Variants in NRXN1 observed in about 807,000 individuals in gnomAD.
The protein encoded by NRXN1 is neurexin-1.
In NRXN1, 39 loss-of-function variants were observed where a neutral mutation model predicts 150.9. The observed-to-expected ratio is 0.26, with a 90% CI of 0.20 to 0.34. The LOEUF is 0.34. NRXN1 is among the 10% of genes least tolerant of loss of function. The pLI is 1.00. For synonymous variants in NRXN1, 924 were observed against 757.0 expected, an observed-to-expected ratio of 1.22 and a Z score of -3.62; for missense variants, 1,815 against 1,949.9, an observed-to-expected ratio of 0.93 and a Z score of 1.30.
At chr2:50,039,618 C>G (rs890493627) in intron 21 of NRXN1, among the ~76,000 whole-genome samples, 4 of 152,266 alleles carry the variant, frequency 2.6e-5, no homozygotes, top group Non-Finnish European at 4.4e-5. Flanking sequence ...TATTCTCAAC[C>G]TGACAAGCAG....
intron 8 of NRXN1, among the ~76,000 whole-genome samples, chr2:50,567,727 A>G (rs757776611): frequency 3.3e-5 from 5 of 152,166 alleles, no homozygotes; most frequent in Non-Finnish European, 5.9e-5. Context: ...GTGGGGGTAA[A>G]TTTCATCATT....
At chr2:50,219,971 A>AT (rs2063735310) in intron 18 of NRXN1, among the ~76,000 whole-genome samples, 3 of 49,368 alleles carry the variant, frequency 6.1e-5, no homozygotes, top group African/African-American at 5.6e-4. Flanking sequence ...TATTATATAT[A>AT]TATAATATAT....
At chr2:50,054,754 A>T (rs1693338048) in intron 20 of NRXN1, among the ~76,000 whole-genome samples, 1 of 152,164 alleles carries the variant, frequency 6.6e-6, no homozygotes, top group Non-Finnish European at 1.5e-5. Flanking sequence ...AGATTATTAA[A>T]CAGCTGGTAC....
chr2:50,875,149 T>C (rs1198907393), intron 5 of NRXN1, among the ~76,000 whole-genome samples: 1 of 151,836 alleles, frequency 6.6e-6, no homozygotes, highest in East Asian at 1.9e-4. Context: ...TTTGTTTCTT[T>C]TGTTGTTTTG....
At chr2:50,898,506 C>T (rs1287331550) in intron 5 of NRXN1, 2 of 396,904 alleles carry the variant, frequency 5.0e-6, no homozygotes, top group East Asian at 7.7e-5. Flanking sequence ...ATAATTATAA[C>T]ACATTTTTAT....
chr2:50,370,449 G>C (rs75057502), intron 17 of NRXN1, among the ~76,000 whole-genome samples: 2,212 of 152,108 alleles, frequency 0.015, 53 homozygotes, highest in African/African-American at 0.048. Flanking sequence ...GCTCGTAAAT[G>C]TCTGGTGCTG....
intron 2 of NRXN1, among the ~76,000 whole-genome samples, chr2:51,023,277 A>G (rs888158517): frequency 6.6e-6 from 1 of 151,848 alleles, no homozygotes; most frequent in Non-Finnish European, 1.5e-5. Flanking sequence ...TCCACACTAC[A>G]CTCTTTGCAT....
intron 5 of NRXN1, chr2:50,758,156 T>C (rs1402062990): frequency 6.6e-6 from 1 of 151,714 alleles, no homozygotes. Flanking sequence ...AAACAAGAAA[T>C]AGAAATAGTT....
chr2:50,178,154 A>C (rs1458376468), intron 18 of NRXN1, among the ~76,000 whole-genome samples: 2 of 152,090 alleles, frequency 1.3e-5, no homozygotes, highest in Non-Finnish European at 2.9e-5. Context: ...AGAAAAATTA[A>C]ATGATCTAAG....
At chr2:50,285,836 T>C in intron 17 of NRXN1, among the ~76,000 whole-genome samples, 1 of 151,278 alleles carries the variant, frequency 6.6e-6, no homozygotes, top group Non-Finnish European at 1.5e-5. Flanking sequence ...GGAGTTTCAT[T>C]TGACAGTGTA....
chr2:50,451,339 C>T (rs1421446451), intron 17 of NRXN1, among the ~76,000 whole-genome samples: 3 of 152,250 alleles, frequency 2.0e-5, no homozygotes, highest in South Asian at 4.1e-4. Context: ...AAATGTTTTC[C>T]TGGTTATTTG....
At chr2:50,947,122 A>C (rs1690519442) in intron 2 of NRXN1, among the ~76,000 whole-genome samples, 1 of 152,146 alleles carries the variant, frequency 6.6e-6, no homozygotes, top group Non-Finnish European at 1.5e-5. Flanking sequence ...CATGACAAAG[A>C]CAAACATTTT....
chr2:50,562,181 CA>C (rs777347870), intron 8 of NRXN1, among the ~76,000 whole-genome samples: 1 of 152,080 alleles, frequency 6.6e-6, no homozygotes. Context: ...TTTGTGTCTC[CA>C]GCCTCATAAG....
chr2:51,029,099 C>T lies in NRXN1; in HGVS notation c.-826G>A, dbSNP rs1028008532. Reference sequence around the variant, plus strand: ...AACAGCTCCTCTTCTTTTCTCTCTGCCTCTGCAGGGCCAAGCTAAGATGCC... The same window carrying T: ...AACAGCTCCTCTTCTTTTCTCTCTGTCTCTGCAGGGCCAAGCTAAGATGCC... On this transcript the variant is annotated 5_prime_UTR_variant, in exon 2 of 23. Coordinates refer to ENST00000401669, the MANE Select transcript of NRXN1 (RefSeq NM_001330078.2). 1 of 152,348 alleles carries T rather than the reference C, an allele frequency of 6.6e-6. No individual in the cohort carries two copies. The highest frequency in any genetic ancestry group is 1.9e-4 in the East Asian group (1 of 5,188). 9.4% of individuals were successfully genotyped at this position (152,348 alleles called of 1,614,324 possible).
chr2:49,975,222 C>G (rs1678750125), intron 21 of NRXN1, among the ~76,000 whole-genome samples: 1 of 151,078 alleles, frequency 6.6e-6, no homozygotes, highest in Admixed American at 6.6e-5. Flanking sequence ...TTTTAAAGCT[C>G]AAAAGTAGCA....
At chr2:50,051,693 C>A (rs1265350434) in intron 21 of NRXN1, among the ~76,000 whole-genome samples, 2 of 152,032 alleles carry the variant, frequency 1.3e-5, no homozygotes, top group Non-Finnish European at 2.9e-5. Flanking sequence ...CCTTATAAAT[C>A]CTAACGAGAG....
intron 2 of NRXN1, among the ~76,000 whole-genome samples, chr2:50,962,010 T>C (rs1367391579): frequency 6.6e-6 from 1 of 151,320 alleles, no homozygotes; most frequent in Non-Finnish European, 1.5e-5. Flanking sequence ...CTAAAGGCAA[T>C]ATAAGAAATC....
At chr2:50,713,924 A>G (rs891463209) in intron 5 of NRXN1, among the ~76,000 whole-genome samples, 1 of 152,198 alleles carries the variant, frequency 6.6e-6, no homozygotes, top group African/African-American at 2.4e-5. Context: ...GATGTACAGT[A>G]AATCAGAGCA....
intron 5 of NRXN1, among the ~76,000 whole-genome samples, chr2:50,868,171 A>G (rs1264034649): frequency 0.01 from 863 of 85,664 alleles, 29 homozygotes; most frequent in African/African-American, 0.027. Context: ...ATATATATAT[A>G]TATATATATA....
Sources: allele counts gnomAD v4.1 joint callset (sites outside exome capture counted in the v4.1 genomes callset), GRCh38; gene constraint gnomAD v4.1.1; transcripts MANE v1.5; gene names NCBI Gene and HGNC (gene_info 2026-07-23, HGNC 2026-07-21).